The following SLC25A48 variants were observed in gnomAD, a reference collection of about 807,000 sequenced individuals.
SLC25A48 encodes the protein CTC-321K16.1.
In SLC25A48, 29 loss-of-function variants were observed where a neutral mutation model predicts 32.2. The ratio of observed to expected loss-of-function variants is 0.90; its 90% CI spans 0.67 to 1.23. The LOEUF is 1.23. SLC25A48 is among the 50% of genes most tolerant of loss of function. The pLI, the probability that SLC25A48 is intolerant of heterozygous loss-of-function variation, is 0.00. For missense variants in SLC25A48, 399 were observed against 422.7 expected (o/e 0.94, Z 0.49); for synonymous variants, 164 against 172.3 (o/e 0.95, Z 0.38).
At chr5:135,703,114 C>T (rs140159053) in intron 3 of SLC25A48, among the ~76,000 whole-genome samples, 14 of 152,246 alleles carry the variant, frequency 9.2e-5, no homozygotes, top group East Asian at 3.9e-4. Flanking sequence ...TATGTAATAC[C>T]GGACAGGGGC....
chr5:135,593,045 C>T (rs1392112870), intron 1 of SLC25A48, among the ~76,000 whole-genome samples: 2 of 152,140 alleles, frequency 1.3e-5, no homozygotes, highest in African/African-American at 4.8e-5. Context: ...CACCAGAGCT[C>T]AGCAGGACCC....
chr5:135,854,926 C>T (rs1292591562), intron 4 of SLC25A48, among the ~76,000 whole-genome samples: 1 of 152,184 alleles, frequency 6.6e-6, no homozygotes, highest in African/African-American at 2.4e-5. Context: ...ACTTAGAGGT[C>T]ATTGTAGAAT....
intron 4 of SLC25A48, among the ~76,000 whole-genome samples, chr5:135,819,258 T>G (rs1162531318): frequency 1.3e-5 from 2 of 152,086 alleles, no homozygotes; most frequent in Admixed American, 1.3e-4. Context: ...AAGGATAAGG[T>G]CAATGAAAAC....
chr5:135,726,078 A>T (rs1209181392), intron 3 of SLC25A48, among the ~76,000 whole-genome samples: 1 of 152,232 alleles, frequency 6.6e-6, no homozygotes, highest in Non-Finnish European at 1.5e-5. Flanking sequence ...GGGTTGATCC[A>T]GGTGTGCACC....
chr5:135,599,989 A>T (rs1393974326), intron 1 of SLC25A48, among the ~76,000 whole-genome samples: 1 of 150,104 alleles, frequency 6.7e-6, no homozygotes, highest in Non-Finnish European at 1.5e-5. Flanking sequence ...AAAAAAAAAC[A>T]TTTGTATTTC....
At chr5:135,764,961 T>G (rs1232336618) in intron 3 of SLC25A48, among the ~76,000 whole-genome samples, 1 of 151,804 alleles carries the variant, frequency 6.6e-6, no homozygotes, top group African/African-American at 2.4e-5. Context: ...ACGGGACGTG[T>G]ACATCTCCCT....
intron 1 of SLC25A48, among the ~76,000 whole-genome samples, chr5:135,587,106 T>C (rs949461829): frequency 6.6e-5 from 10 of 152,094 alleles, no homozygotes; most frequent in African/African-American, 2.2e-4. Context: ...TCTCAGCTCA[T>C]TGCAACCTCT....
intron 3 of SLC25A48, among the ~76,000 whole-genome samples, chr5:135,697,889 C>G (rs1754303819): frequency 6.6e-6 from 1 of 152,200 alleles, no homozygotes; most frequent in Non-Finnish European, 1.5e-5. Flanking sequence ...TCACAACCTC[C>G]AAAGGCCTCT....
intron 3 of SLC25A48, among the ~76,000 whole-genome samples, chr5:135,714,465 G>T (rs1044230871): frequency 2.6e-5 from 4 of 152,178 alleles, no homozygotes; most frequent in African/African-American, 9.7e-5. Context: ...TGTGGCGCCC[G>T]CTGGAAGCTC....
At chr5:135,867,784 A>C (rs1024727203) in intron 4 of SLC25A48, among the ~76,000 whole-genome samples, 3 of 152,208 alleles carry the variant, frequency 2.0e-5, no homozygotes, top group African/African-American at 7.2e-5. Context: ...GCTTGGAATT[A>C]TAATAACTAC....
chr5:135,582,919 G>A (rs534535487), intron 1 of SLC25A48, among the ~76,000 whole-genome samples: 1 of 152,250 alleles, frequency 6.6e-6, no homozygotes, highest in Admixed American at 6.5e-5. Flanking sequence ...ACCGATTTTA[G>A]TTTATTCATT....
intron 3 of SLC25A48, among the ~76,000 whole-genome samples, chr5:135,685,155 G>A (rs746360990): frequency 4.6e-4 from 70 of 151,970 alleles, no homozygotes; most frequent in East Asian, 1.7e-3. Context: ...TTTTTTATGC[G>A]TGAGATTGAG....
chr5:135,723,362 A>ACTCTCTCT (rs1159449010), intron 3 of SLC25A48, among the ~76,000 whole-genome samples: 10 of 86,940 alleles, frequency 1.2e-4, no homozygotes, highest in African/African-American at 3.4e-4. Context: ...TCTGTCTCTC[A>ACTCTCTCT]CTCTCTCTCT....
At chr5:135,732,714 C>T (rs953719090) in intron 3 of SLC25A48, among the ~76,000 whole-genome samples, 2 of 152,014 alleles carry the variant, frequency 1.3e-5, no homozygotes, top group Non-Finnish European at 2.9e-5. Flanking sequence ...TGTGAGGCTG[C>T]GAGGAGATAT....
chr5:135,677,053 G>A (rs979254636), intron 3 of SLC25A48, among the ~76,000 whole-genome samples: 1 of 151,810 alleles, frequency 6.6e-6, no homozygotes. Context: ...ATAGTAGAGG[G>A]CTGAACTCCT....
chr5:135,667,099 CTCT>C (rs1753542343), intron 3 of SLC25A48, among the ~76,000 whole-genome samples: 2 of 152,160 alleles, frequency 1.3e-5, no homozygotes, highest in Admixed American at 1.3e-4. Context: ...TTGCCCTGAG[CTCT>C]AGCCAATCTC....
At chr5:135,749,594 T>TG (rs1309510377) in intron 3 of SLC25A48, among the ~76,000 whole-genome samples, 8 of 151,416 alleles carry the variant, frequency 5.3e-5, no homozygotes, top group Admixed American at 3.3e-4. Flanking sequence ...TTTTTTGGGG[T>TG]GGGGTGGTGG....
intron 1 of SLC25A48, among the ~76,000 whole-genome samples, chr5:135,625,710 G>T (rs1396439): frequency 0.065 from 9,855 of 152,138 alleles, 342 homozygotes; most frequent in South Asian, 0.15. Flanking sequence ...GGCCTTCTGA[G>T]GTGCCCCCAG....
At chr5:135,797,568 A>AGTT (rs1168148297) in intron 3 of SLC25A48, among the ~76,000 whole-genome samples, 1 of 151,872 alleles carries the variant, frequency 6.6e-6, no homozygotes, top group African/African-American at 2.4e-5. Flanking sequence ...TGGTATACAC[A>AGTT]GTTTCTGTGA....
Sources: gnomAD v4.1 joint callset for allele counts (sites outside exome capture counted in the v4.1 genomes callset) on GRCh38, gnomAD v4.1.1 for gene constraint, MANE v1.5 for transcripts, NCBI Gene and HGNC (gene_info 2026-07-23, HGNC 2026-07-21) for gene names.